The following SYK variants were observed in gnomAD, a reference collection of about 807,000 sequenced individuals.
The protein encoded by SYK is tyrosine-protein kinase SYK.
A neutral mutation model predicts 77.8 loss-of-function variants in SYK; 16 were observed. The observed-to-expected ratio is 0.21, with a 90% CI of 0.14 to 0.31. SYK has a LOEUF of 0.31. Among genes scored for constraint, SYK ranks in the 10% least tolerant of loss-of-function variants. The pLI, the probability that SYK is intolerant of heterozygous loss-of-function variation, is 1.00. For synonymous variants in SYK, 312 were observed against 308.7 expected (o/e 1.01, Z -0.11); for missense variants, 529 against 814.4 (o/e 0.65, Z 4.26).
At chr9:90,816,410 T>A (rs1825294067) in intron 1 of SYK, among the ~76,000 whole-genome samples, 1 of 152,208 alleles carries the variant, frequency 6.6e-6, no homozygotes, top group African/African-American at 2.4e-5. Flanking sequence ...CTAGCTGGAC[T>A]ATATGCCTCT....
Position 90,894,706 on chromosome 9 carries a change from C to T in SYK, c.1836-822C>T, listed in dbSNP as rs570881987. ...ACCCACTTGCAATATATCCAGAAAT[C>T]TTGCAAAATAAGAAAAATAACTTCT... On this transcript the variant is annotated intron_variant, in intron 13 of 13. Coordinates refer to ENST00000375754, the MANE Select transcript of SYK (RefSeq NM_003177.7). 6.6e-5 allele frequency among the ~76,000 whole-genome samples: 10 copies of T among 152,310 alleles called. 2 individuals are homozygous for T. The highest frequency in any genetic ancestry group is 1.4e-4 in the African/African-American group (6 of 41,560).
In SYK at chr9:90,898,373, G is replaced by T. The variant is rs1829076073; in HGVS notation, c.*2773G>T. On this transcript the variant is annotated 3_prime_UTR_variant, in exon 14 of 14. Transcript: ENST00000375754. ...TTGGACATCAGTCCAATGACTGCAA[G>T]TCGGCCTGGATTTTCACTTGCAGAG... 4.4e-6 allele frequency: 1 copy of T among 228,094 alleles called. No individual in the cohort carries two copies. The highest frequency in any genetic ancestry group is 8.7e-6 in the Non-Finnish European group (1 of 114,900). The allele number at this position is 228,094 out of a possible 1,614,324, so 14.1% of individuals were successfully genotyped here.
At chr9:90,860,935 T>A (rs1827231646) in intron 3 of SYK, among the ~76,000 whole-genome samples, 1 of 152,068 alleles carries the variant, frequency 6.6e-6, no homozygotes, top group Non-Finnish European at 1.5e-5. Flanking sequence ...CTGCCCCAAG[T>A]ACAGTGCATT....
rs538010903 is a variant in SYK, at chr9:90,821,931, C to T, written c.-42+20038C>T. Among the ~76,000 whole-genome samples the T allele has an allele frequency of 3.3e-5, 5 of 151,860 alleles. No homozygotes were observed. The East Asian group carries it at 9.7e-4, about 29-fold the overall frequency. On this transcript the variant is annotated intron_variant, in intron 1 of 13. Coordinates refer to ENST00000375754, the MANE Select transcript of SYK (RefSeq NM_003177.7). ...ATGAGTCATAGTTAGTGCTGTCGGC[C>T]GTGAGTCCAATGGTAGTGCATCAAC...
In SYK at chr9:90,841,600, T is replaced by C. The variant is rs569161164; in HGVS notation, c.-41-2258T>C. On this transcript the variant is annotated intron_variant, in intron 1 of 13. Transcript: ENST00000375754. ...GTAGTGTGCATGTAGTTGTGTGGTG[T>C]GTTTCGTGTGTGTTTTGTGTGTGTA... Among the ~76,000 whole-genome samples, 16 of 149,888 alleles carry C rather than the reference T, an allele frequency of 1.1e-4. No homozygotes were observed. The East Asian group carries it at 2.6e-3, about 24-fold the overall frequency.
In SYK at chr9:90,895,659, A is replaced by G. The variant is rs1392684169; in HGVS notation, c.*59A>G. 2 of 1,505,608 alleles carry G rather than the reference A, an allele frequency of 1.3e-6. No homozygotes were observed. The highest frequency in any genetic ancestry group is 1.4e-5 in the African/African-American group (1 of 72,896). The allele number at this position is 1,505,608 out of a possible 1,614,324, so 93.3% of individuals were successfully genotyped here. A position where few individuals can be genotyped will look rare whatever the true frequency, so the allele number is the denominator to read the frequency against. On this transcript the variant is annotated 3_prime_UTR_variant, in exon 14 of 14. Transcript: ENST00000375754. The surrounding 1 kb of genome is among the most constrained non-coding windows in gnomAD (Gnocchi z 4.4). Reference sequence around the variant, plus strand: ...CACAGGAGCAATCACAGGAAAATGTATCCAGAGGAATTGATTGTCAGCCAC... The same window carrying G: ...CACAGGAGCAATCACAGGAAAATGTGTCCAGAGGAATTGATTGTCAGCCAC...
chr9:90,864,699 T>C, intron 5 of SYK, 32 bp downstream of exon 5: 1 of 1,581,926 alleles, frequency 6.3e-7, no homozygotes, highest in Non-Finnish European at 8.7e-7. Flanking sequence ...GTCTCAGTGT[T>C]TGAGGTATCA....
chr9:90,840,486 A>C (rs1188945661), intron 1 of SYK, among the ~76,000 whole-genome samples: 1 of 149,876 alleles, frequency 6.7e-6, no homozygotes, highest in Non-Finnish European at 1.5e-5. Context: ...CGCCCGGCCA[A>C]GGCGGGCAGA....
At chr9:90,865,911 T>TTTC (rs1228289228) in intron 6 of SYK, among the ~76,000 whole-genome samples, 1 of 140,996 alleles carries the variant, frequency 7.1e-6, no homozygotes, top group African/African-American at 2.7e-5. Context: ...TTTTTTTTTT[T>TTTC]TTTTTGAGAC....
chr9:90,869,752 ATAATT>A (rs1827656571), intron 7 of SYK, among the ~76,000 whole-genome samples: 1 of 152,272 alleles, frequency 6.6e-6, no homozygotes, highest in African/African-American at 2.4e-5. Flanking sequence ...TATGAATCAG[ATAATT>A]TAAATTTTTC....
intron 7 of SYK, among the ~76,000 whole-genome samples, chr9:90,872,255 G>A (rs1049392291): frequency 1.3e-5 from 2 of 152,186 alleles, no homozygotes; most frequent in Non-Finnish European, 2.9e-5. Context: ...TGTCCTCAGT[G>A]GGAGGGACAG....
Position 90,872,045 on chromosome 9 carries a change from G to A in SYK, c.916-2159G>A, listed in dbSNP as rs568015962. ...GGGGTTTAGATTCTCTGTGTCCATCGCTACTAATTCTTACTCATTCCTGAC... is the reference window on the plus strand; with the variant it reads ...GGGGTTTAGATTCTCTGTGTCCATCACTACTAATTCTTACTCATTCCTGAC... On this transcript the variant is annotated intron_variant, in intron 7 of 13. Coordinates refer to ENST00000375754, the MANE Select transcript of SYK (RefSeq NM_003177.7). 1.2e-4 allele frequency among the ~76,000 whole-genome samples: 18 copies of A among 152,280 alleles called. 1 individual carries two copies. Among genetic ancestry groups the A allele is most frequent in the Non-Finnish European group, 1.9e-4 (13 of 68,002 alleles).
rs151053124 is a variant in SYK, at chr9:90,874,781, G to A, written c.1113G>A (p.Thr371=). 59 of 1,613,974 alleles carry A rather than the reference G, an allele frequency of 3.7e-5. No individual in the cohort carries two copies. Among genetic ancestry groups the A allele is most frequent in the Admixed American group, 2.2e-4 (13 of 59,994 alleles). The part of the protein sequence containing the change: ...KEVYLDRKLL[T]LEDKELGSGN... Reference sequence around the variant, plus strand: ...TTTACCTGGACCGAAAGCTGCTGACGCTGGAAGACAAAGAACTGGGCTCTG... The same window carrying A: ...TTTACCTGGACCGAAAGCTGCTGACACTGGAAGACAAAGAACTGGGCTCTG... The change falls in exon 9 of 14, where the codon ACG becomes ACA. Residue 371 remains threonine, a synonymous_variant. Transcript: ENST00000375754.
chr9:90,807,579 C>T (rs561434828), intron 1 of SYK, among the ~76,000 whole-genome samples: 32 of 152,248 alleles, frequency 2.1e-4, no homozygotes, highest in African/African-American at 5.3e-4. Flanking sequence ...CTCTCCCAGG[C>T]GGGCTGACTC....
rs1415781866 is a variant in SYK at position 90,874,186 on chromosome 9, G to A, written c.916-18G>A. 1 of 1,605,376 alleles carries A rather than the reference G, an allele frequency of 6.2e-7. No individual in the cohort carries two copies. Among genetic ancestry groups the A allele is most frequent in the Non-Finnish European group, 8.5e-7 (1 of 1,172,440 alleles). On this transcript the variant is annotated intron_variant, in intron 7 of 13. Coordinates refer to ENST00000375754, the MANE Select transcript of SYK (RefSeq NM_003177.7). ...TGTGGATGAAGAAAAACAACCTGTT[G>A]TCCTTTATGTACTTTAGTCCTCCCC... is the stretch of plus-strand genomic sequence containing the variant.
chr9:90,834,783 G>A (rs1383916584), intron 1 of SYK, among the ~76,000 whole-genome samples: 2 of 152,180 alleles, frequency 1.3e-5, no homozygotes, highest in Non-Finnish European at 2.9e-5. Context: ...GCTATCATTA[G>A]TATTAGTATA....
intron 11 of SYK, among the ~76,000 whole-genome samples, chr9:90,880,301 A>C (rs1039709894): frequency 1.3e-5 from 2 of 152,220 alleles, no homozygotes; most frequent in Non-Finnish European, 2.9e-5. Flanking sequence ...GCTCCCAGGC[A>C]GGCAGGCAGA....
chr9:90,869,753 T>C (rs1827656471), intron 7 of SYK, among the ~76,000 whole-genome samples: 1 of 152,264 alleles, frequency 6.6e-6, no homozygotes. Context: ...ATGAATCAGA[T>C]AATTTAAATT....
At chr9:90,804,171 T>C (rs1247568698) in intron 1 of SYK, among the ~76,000 whole-genome samples, 1 of 152,234 alleles carries the variant, frequency 6.6e-6, no homozygotes, top group Non-Finnish European at 1.5e-5. Flanking sequence ...AGAAGGGCAG[T>C]TCCTCTCTCT....
Sources: gnomAD v4.1 joint callset for allele counts (sites outside exome capture counted in the v4.1 genomes callset) on GRCh38, gnomAD v4.1.1 for gene constraint, Gnocchi (gnomAD v3.1) non-coding constraint, MANE v1.5 for transcripts, NCBI Gene and HGNC (gene_info 2026-07-23, HGNC 2026-07-21) for gene names.